Variants in SORCS1 observed in about 807,000 individuals in gnomAD.
The protein encoded by SORCS1 is VPS10 domain-containing receptor SorCS1.
A neutral mutation model predicts 146.1 loss-of-function variants in SORCS1; 60 were observed. The observed-to-expected ratio is 0.41, with a 90% confidence interval of 0.33 to 0.51. The LOEUF is 0.51. Among genes scored for constraint, SORCS1 ranks in the 20% least tolerant of loss-of-function variants. SORCS1 has a pLI of 0.21. For missense variants in SORCS1, 1,352 were observed against 1,487.6 expected, an observed-to-expected ratio of 0.91 and a Z score of 1.50; for synonymous variants, 637 against 584.0, an observed-to-expected ratio of 1.09 and a Z score of -1.31.
Position 106,650,482 on chromosome 10 carries a change from C to T in SORCS1, c.2475+1900G>A, listed in dbSNP as rs187025784. ...CTCTTATTGAGTGCTTTCTATGTTT[C>T]CTGTGTTACTTGGGTATTATGAAAT... On this transcript the variant is annotated intron_variant, in intron 18 of 25. Transcript: ENST00000263054. 2.3e-3 allele frequency among the ~76,000 whole-genome samples: 356 copies of T among 152,274 alleles called. 3 individuals carry two copies. The highest frequency in any genetic ancestry group is 8.2e-3 in the African/African-American group (341 of 41,558).
chr10:106,579,365 G>T lies in SORCS1; in HGVS notation c.3371+4C>A, dbSNP rs769221450. ...TGGGGGAACGTGGATAGAGGGACAC[G>T]CACCTTTTAAACTTGTAGATGACGA... On this transcript the variant is annotated splice_donor_region_variant and intron_variant, in intron 25 of 25. Transcript: ENST00000263054. The T allele has an allele frequency of 6.2e-7, 1 of 1,613,944 alleles. No homozygotes were observed. Among genetic ancestry groups the T allele is most frequent in the Non-Finnish European group, 8.5e-7 (1 of 1,179,982 alleles).
intron 2 of SORCS1, among the ~76,000 whole-genome samples, chr10:106,876,776 T>TA (rs1241600826): frequency 1.3e-5 from 2 of 152,236 alleles, no homozygotes; most frequent in African/African-American, 4.8e-5. Flanking sequence ...AGCTCTTTAT[T>TA]ATATCATTTA....
Position 106,577,447 on chromosome 10 carries a change from T to A in SORCS1, c.3480A>T (p.Gly1160=). 5.0e-6 allele frequency: 8 copies of A among 1,596,152 alleles called. No individual in the cohort carries two copies. Among genetic ancestry groups the A allele is most frequent in the South Asian group, 1.1e-5 (1 of 90,872 alleles). The change falls in exon 26 of 26, where the codon GGA becomes GGT. Residue 1160 remains glycine (G), a synonymous_variant. Transcript: ENST00000263054. ...AAATTGCATACTGTGCCCCAGCAGA[T>A]CCCCGCTTTGGCGTTGAAGGCGGAG... ...HATPPSTPKR[G]SAGAQYAI
chr10:107,159,052 T>G (rs1440951745), intron 1 of SORCS1, among the ~76,000 whole-genome samples: 1 of 152,142 alleles, frequency 6.6e-6, no homozygotes, highest in Non-Finnish European at 1.5e-5. Context: ...TTCCTTAACA[T>G]GAAGATGTAA....
intron 6 of SORCS1, among the ~76,000 whole-genome samples, chr10:106,712,098 T>C (rs983842889): frequency 6.6e-6 from 1 of 152,194 alleles, no homozygotes; most frequent in Non-Finnish European, 1.5e-5. Context: ...TGAAAGCGAA[T>C]CACTGAGACA....
At chr10:106,718,472 C>G (rs1391091250) in intron 6 of SORCS1, among the ~76,000 whole-genome samples, 1 of 152,208 alleles carries the variant, frequency 6.6e-6, no homozygotes, top group Non-Finnish European at 1.5e-5. Context: ...TTTCTTCCTT[C>G]TGGTGGGTTC....
chr10:106,755,492 G>C (rs923337607), intron 5 of SORCS1, among the ~76,000 whole-genome samples: 2 of 152,128 alleles, frequency 1.3e-5, no homozygotes, highest in East Asian at 1.9e-4. Context: ...TAAATCCCCT[G>C]ATGGAATTAT....
intron 1 of SORCS1, among the ~76,000 whole-genome samples, chr10:107,032,525 A>G (rs925097449): frequency 2.0e-5 from 3 of 152,088 alleles, no homozygotes; most frequent in Non-Finnish European, 4.4e-5. Context: ...CTGCCCCTCA[A>G]TTCTACCTCT....
At chr10:106,956,665 T>A in intron 1 of SORCS1, 85 bp from the exon 2 acceptor site, 1 of 1,088,126 alleles carries the variant, frequency 9.2e-7, no homozygotes. Flanking sequence ...GGCTTAGGAT[T>A]CCTTTAATAG....
intron 3 of SORCS1, among the ~76,000 whole-genome samples, chr10:106,825,265 T>C (rs964899071): frequency 7.1e-6 from 1 of 140,236 alleles, no homozygotes; most frequent in South Asian, 2.3e-4. Flanking sequence ...AATTGAGATT[T>C]CAACTTTTTT....
At chr10:106,905,518 T>A (rs1951873119) in intron 2 of SORCS1, among the ~76,000 whole-genome samples, 1 of 152,256 alleles carries the variant, frequency 6.6e-6, no homozygotes, top group Non-Finnish European at 1.5e-5. Flanking sequence ...CCTCCCTACA[T>A]TGCCCTGTTC....
chr10:106,927,838 C>CA (rs1291295219), intron 2 of SORCS1, among the ~76,000 whole-genome samples: 2 of 151,916 alleles, frequency 1.3e-5, no homozygotes, highest in African/African-American at 4.8e-5. Flanking sequence ...GAGCTAGACA[C>CA]AGAGTGCCGA....
intron 14 of SORCS1, 42 bp from the exon 15 acceptor site, chr10:106,673,027 A>G: frequency 1.4e-6 from 2 of 1,464,086 alleles, no homozygotes; most frequent in Admixed American, 1.7e-5. Context: ...AATGATAACA[A>G]TGTAATGAGT....
intron 2 of SORCS1, among the ~76,000 whole-genome samples, chr10:106,926,847 A>C (rs893543522): frequency 1.5e-5 from 2 of 133,668 alleles, no homozygotes; most frequent in Non-Finnish European, 3.0e-5. Flanking sequence ...ACACACACAC[A>C]CACACACACA....
intron 3 of SORCS1, among the ~76,000 whole-genome samples, chr10:106,802,320 C>G (rs1300686400): frequency 1.3e-5 from 2 of 152,082 alleles, no homozygotes. Flanking sequence ...GGAAGGGCCA[C>G]TTAGCAAAAT....
intron 2 of SORCS1, among the ~76,000 whole-genome samples, chr10:106,955,136 T>C (rs1432874651): frequency 1.3e-5 from 2 of 152,154 alleles, no homozygotes; most frequent in Non-Finnish European, 2.9e-5. Flanking sequence ...CTGTGGCTGG[T>C]GGGAAGGAGA....
At chr10:106,598,096 T>C (rs778834123) in intron 23 of SORCS1, among the ~76,000 whole-genome samples, 4 of 152,076 alleles carry the variant, frequency 2.6e-5, no homozygotes, top group African/African-American at 9.7e-5. Flanking sequence ...TTCATTTGGG[T>C]AGAAATAGTG....
intron 2 of SORCS1, among the ~76,000 whole-genome samples, chr10:106,881,374 A>G (rs1327681730): frequency 6.6e-6 from 1 of 152,200 alleles, no homozygotes; most frequent in Non-Finnish European, 1.5e-5. Context: ...TAGCTATTTA[A>G]TAAATACCTA....
intron 19 of SORCS1, among the ~76,000 whole-genome samples, chr10:106,627,624 A>G (rs137933730): frequency 6.2e-4 from 94 of 152,246 alleles, no homozygotes; most frequent in African/African-American, 2.0e-3. Context: ...AAGTCCTGAA[A>G]GTCTATATAG....
Sources: gnomAD v4.1 joint callset for allele counts (sites outside exome capture counted in the v4.1 genomes callset) on GRCh38, gnomAD v4.1.1 for gene constraint, MANE v1.5 for transcripts, NCBI Gene and HGNC (gene_info 2026-07-23, HGNC 2026-07-21) for gene names.